TTC28: variants seen among roughly 807,000 people sequenced by gnomAD.
The protein encoded by TTC28 is tetratricopeptide repeat domain 28.
TTC28 carries 61 observed loss-of-function variants against 198.0 expected under a neutral mutation model. The observed-to-expected ratio is 0.31, with a 90% CI of 0.25 to 0.38. The LOEUF is 0.38. TTC28 is among the 10% of genes least tolerant of loss of function. The pLI is 1.00. For missense variants in TTC28, 2,678 were observed against 3,164.0 expected, an observed-to-expected ratio of 0.85 and a Z score of 3.69; for synonymous variants, 1,171 against 1,297.8, an observed-to-expected ratio of 0.90 and a Z score of 2.10.
chr22:28,357,457 A>G (rs1198117205), intron 2 of TTC28, among the ~76,000 whole-genome samples: 1 of 151,766 alleles, frequency 6.6e-6, no homozygotes, highest in African/African-American at 2.4e-5. Flanking sequence ...CTAGGACTAC[A>G]GGCATGCTCC....
intron 2 of TTC28, among the ~76,000 whole-genome samples, chr22:28,592,601 CA>C (rs759024796): frequency 7.1e-4 from 108 of 152,238 alleles, no homozygotes; most frequent in Non-Finnish European, 1.0e-3. Context: ...TTCATAAAAA[CA>C]ACTCTTGAAA....
chr22:28,426,243 A>G (rs1172028103), intron 2 of TTC28, among the ~76,000 whole-genome samples: 1 of 151,798 alleles, frequency 6.6e-6, no homozygotes, highest in African/African-American at 2.4e-5. Context: ...AAAGAAAGAA[A>G]ATTCAAAAGG....
At chr22:28,620,836 CAG>C (rs1218525297) in intron 2 of TTC28, among the ~76,000 whole-genome samples, 1 of 152,162 alleles carries the variant, frequency 6.6e-6, no homozygotes, top group African/African-American at 2.4e-5. Flanking sequence ...GAAAGCTTCA[CAG>C]AGTCCTCCAC....
At chr22:28,113,428 G>T (rs1447720422) in intron 6 of TTC28, among the ~76,000 whole-genome samples, 1 of 152,184 alleles carries the variant, frequency 6.6e-6, no homozygotes, top group Non-Finnish European at 1.5e-5. Context: ...CCCTCCCATG[G>T]GTTCACTTTC....
rs1329838776 is a variant in TTC28, at chr22:28,212,109, T to C, written c.934-48510A>G. Among the ~76,000 whole-genome samples, 4 of 152,204 alleles carry C rather than the reference T, an allele frequency of 2.6e-5. No individual in the cohort carries two copies. The East Asian group carries it at 7.7e-4, about 29-fold the overall frequency. ...CAAAGACACAACATGCCAGAATCTC[T>C]GGGACACATTTAAAGCAGTGCATAG... On this transcript the variant is annotated intron_variant, in intron 5 of 22. Transcript: ENST00000397906.
rs536117472 is a variant in TTC28 at position 28,526,695 on chromosome 22, T to G, written c.381+102857A>C. Among the ~76,000 whole-genome samples, 12 of 152,334 alleles carry G rather than the reference T, an allele frequency of 7.9e-5. 1 individual carries two copies. The highest frequency in any genetic ancestry group is 2.9e-4 in the African/African-American group (12 of 41,586). On this transcript the variant is annotated intron_variant, in intron 2 of 22. Coordinates refer to ENST00000397906, the MANE Select transcript of TTC28 (RefSeq NM_001145418.2). ...GATATTGAGCTTTCTTCATAGAGGA[T>G]GCTGAAGGATCACTACAGGAGAGAG...
intron 2 of TTC28, among the ~76,000 whole-genome samples, chr22:28,443,286 G>A (rs1050591652): frequency 1.3e-5 from 2 of 152,136 alleles, no homozygotes; most frequent in African/African-American, 2.4e-5. Flanking sequence ...AATCCCAGCC[G>A]GGCTTCTACC....
chr22:28,035,507 C>T (rs1483970386), intron 12 of TTC28, among the ~76,000 whole-genome samples: 1 of 152,172 alleles, frequency 6.6e-6, no homozygotes, highest in Non-Finnish European at 1.5e-5. Flanking sequence ...GTGCCAGCAC[C>T]CTATGTTGCG....
chr22:28,396,871 A>T (rs2046826637), intron 2 of TTC28, among the ~76,000 whole-genome samples: 1 of 152,126 alleles, frequency 6.6e-6, no homozygotes, highest in South Asian at 2.1e-4. Flanking sequence ...AATGCTTCCC[A>T]AAAGAGGGCA....
intron 6 of TTC28, among the ~76,000 whole-genome samples, chr22:28,162,538 A>G (rs1269140696): frequency 6.6e-6 from 1 of 152,110 alleles, no homozygotes; most frequent in Non-Finnish European, 1.5e-5. Context: ...TTCTCTTTCT[A>G]TACATTAAAA....
intron 6 of TTC28, among the ~76,000 whole-genome samples, chr22:28,111,275 T>C (rs2080699568): frequency 6.6e-6 from 1 of 152,172 alleles, no homozygotes; most frequent in Non-Finnish European, 1.5e-5. Flanking sequence ...GTCACTTCCC[T>C]GGGTTAGAGA....
At chr22:28,150,071 A>G (rs976825727) in intron 6 of TTC28, among the ~76,000 whole-genome samples, 1 of 152,222 alleles carries the variant, frequency 6.6e-6, no homozygotes. Context: ...TATGATTACA[A>G]TCCTACTCTG....
chr22:28,138,795 C>T (rs541703094), intron 6 of TTC28, among the ~76,000 whole-genome samples: 3 of 152,264 alleles, frequency 2.0e-5, no homozygotes, highest in Admixed American at 6.5e-5. Flanking sequence ...CAAACATTAA[C>T]TCAATGTGTA....
At chr22:28,562,602 T>G (rs532823425) in intron 2 of TTC28, among the ~76,000 whole-genome samples, 4 of 152,106 alleles carry the variant, frequency 2.6e-5, no homozygotes, top group African/African-American at 4.8e-5. Flanking sequence ...CTAAGCACCT[T>G]GTACTGGTAG....
intron 1 of TTC28, among the ~76,000 whole-genome samples, chr22:28,671,634 CAAA>C (rs370262568): frequency 1.2e-5 from 1 of 81,600 alleles, no homozygotes. Context: ...GACTCCATCT[CAAA>C]AAAAAAAAAA....
intron 2 of TTC28, among the ~76,000 whole-genome samples, chr22:28,467,442 A>G (rs1299503324): frequency 6.6e-6 from 1 of 152,238 alleles, no homozygotes; most frequent in Admixed American, 6.5e-5. Context: ...ACATATACTG[A>G]TTTCTAATTA....
chr22:28,435,991 T>C (rs985097494), intron 2 of TTC28, among the ~76,000 whole-genome samples: 2 of 152,212 alleles, frequency 1.3e-5, no homozygotes, highest in African/African-American at 2.4e-5. Flanking sequence ...TCACATAACA[T>C]AGAATTAACC....
chr22:28,178,465 C>T (rs1334441842), intron 5 of TTC28, among the ~76,000 whole-genome samples: 1 of 150,400 alleles, frequency 6.6e-6, no homozygotes, highest in African/African-American at 2.5e-5. Context: ...GAAACTCTGT[C>T]GAGGGAGAGG....
At chr22:28,373,691 AC>A (rs1202271772) in intron 2 of TTC28, among the ~76,000 whole-genome samples, 11 of 152,228 alleles carry the variant, frequency 7.2e-5, no homozygotes, top group Admixed American at 2.0e-4. Flanking sequence ...AAATAACTAT[AC>A]GAAGTTTACA....
Sources: allele counts gnomAD v4.1 joint callset (sites outside exome capture counted in the v4.1 genomes callset), GRCh38; gene constraint gnomAD v4.1.1; transcripts MANE v1.5; gene names NCBI Gene and HGNC (gene_info 2026-07-23, HGNC 2026-07-21).